The following MAP2K5 variants were observed in gnomAD, a reference collection of about 807,000 sequenced individuals.
The protein encoded by MAP2K5 is mitogen-activated protein kinase kinase 5.
MAP2K5 carries 49 observed loss-of-function variants against 83.1 expected under a neutral mutation model. The observed-to-expected ratio is 0.59, with a 90% CI of 0.47 to 0.75. The LOEUF (loss-of-function observed/expected upper bound fraction) is 0.75, where lower values mean the gene tolerates loss of function less well. Among genes scored for constraint, MAP2K5 ranks in the 30% least tolerant of loss-of-function variants. MAP2K5 has a pLI of 0.00. For synonymous variants in MAP2K5, 202 were observed against 191.8 expected (o/e 1.05, Z -0.44); for missense variants, 457 against 557.5 (o/e 0.82, Z 1.82).
chr15:67,726,035 G>A (rs946286534), intron 16 of MAP2K5, among the ~76,000 whole-genome samples: 41 of 152,126 alleles, frequency 2.7e-4, no homozygotes, highest in African/African-American at 9.7e-4. Flanking sequence ...ACCCCATCTT[G>A]TGATGTTTTT....
At chr15:67,681,047 C>A (rs1487014209) in intron 13 of MAP2K5, among the ~76,000 whole-genome samples, 1 of 152,196 alleles carries the variant, frequency 6.6e-6, no homozygotes, top group Non-Finnish European at 1.5e-5. Flanking sequence ...ATATTTGGTA[C>A]ATTCAAGTTT....
chr15:67,766,939 G>C (rs2141297128), intron 19 of MAP2K5, among the ~76,000 whole-genome samples: 1 of 152,212 alleles, frequency 6.6e-6, no homozygotes, highest in East Asian at 1.9e-4. Context: ...AGGAGACATG[G>C]ATTTTAAAAC....
rs1329326175 is a variant in MAP2K5 at position 67,671,249 on chromosome 15, A to G, written c.847+6604A>G. ...GAGAGACATAAAAGAAAAGAAAGAG[A>G]AAAGGGAGGGGAGAATTTCCAAGAG... On this transcript the variant is annotated intron_variant, in intron 13 of 21. Transcript: ENST00000178640. 2.0e-5 allele frequency among the ~76,000 whole-genome samples: 3 copies of G among 152,198 alleles called. No homozygotes were observed. The East Asian group carries it at 5.8e-4, about 29-fold the overall frequency.
intron 15 of MAP2K5, 140 bp from the exon 16 acceptor site, chr15:67,703,197 A>G (rs1183748480): frequency 1.6e-6 from 1 of 617,462 alleles, no homozygotes; most frequent in Admixed American, 2.8e-5. Flanking sequence ...ACATATATAC[A>G]CACATGTAAA....
intron 9 of MAP2K5, chr15:67,642,420 A>G: frequency 1.2e-6 from 2 of 1,608,398 alleles, no homozygotes; most frequent in Non-Finnish European, 1.7e-6. Flanking sequence ...TTTTTAGGAG[A>G]TGAGGGATGC....
intron 8 of MAP2K5, among the ~76,000 whole-genome samples, chr15:67,609,916 C>T (rs1352276010): frequency 1.3e-5 from 2 of 152,070 alleles, no homozygotes; most frequent in Non-Finnish European, 2.9e-5. Flanking sequence ...GTAGAATAAG[C>T]TCTGGGGAAG....
intron 15 of MAP2K5, among the ~76,000 whole-genome samples, chr15:67,695,419 A>G (rs936046660): frequency 3.9e-5 from 6 of 152,194 alleles, no homozygotes; most frequent in Non-Finnish European, 7.3e-5. Context: ...GAAAGTTTAT[A>G]CTTTCTTGTA....
At chr15:67,569,641 A>G (rs896073267) in intron 3 of MAP2K5, among the ~76,000 whole-genome samples, 1 of 152,184 alleles carries the variant, frequency 6.6e-6, no homozygotes, top group Non-Finnish European at 1.5e-5. Flanking sequence ...GTTTGGTAGC[A>G]AGGAGCAGAA....
chr15:67,687,687 A>G (rs1427383494), intron 13 of MAP2K5, among the ~76,000 whole-genome samples: 1 of 152,196 alleles, frequency 6.6e-6, no homozygotes, highest in Non-Finnish European at 1.5e-5. Context: ...ATTAAATGGG[A>G]AAAGATGGAG....
chr15:67,788,378 G>C (rs973016854), intron 21 of MAP2K5, among the ~76,000 whole-genome samples: 12 of 152,230 alleles, frequency 7.9e-5, no homozygotes, highest in African/African-American at 2.9e-4. Context: ...TCCCCAGGAA[G>C]GTAGCCTCAG....
intron 6 of MAP2K5, among the ~76,000 whole-genome samples, chr15:67,590,874 G>A (rs1175623952): frequency 6.6e-6 from 1 of 152,178 alleles, no homozygotes; most frequent in African/African-American, 2.4e-5. Flanking sequence ...CATATGCCAA[G>A]TCATTGGGCT....
At position 67,638,580 on chromosome 15, in the gene MAP2K5, A is replaced by G. The variant is rs188015477; in HGVS notation, c.586-7651A>G. Among the ~76,000 whole-genome samples the G allele has an allele frequency of 1.3e-5, 2 of 152,352 alleles. No individual in the cohort carries two copies. Among genetic ancestry groups the G allele is most frequent in the African/African-American group, 4.8e-5 (2 of 41,582 alleles). ...TAGAATGCTTTATATTCATTTGGGT[A>G]TATACCCAGTAATGGGATTGCTGGG... On this transcript the variant is annotated intron_variant, in intron 9 of 21. Transcript: ENST00000178640. The surrounding 1 kb of genome is among the most constrained non-coding windows in gnomAD (Gnocchi z 4.5).
chr15:67,797,098 A>G (rs2090618076), intron 21 of MAP2K5, among the ~76,000 whole-genome samples: 2 of 152,250 alleles, frequency 1.3e-5, no homozygotes, highest in Admixed American at 6.5e-5. Context: ...CCAGGGGGCA[A>G]CTAGCAGTCC....
intron 8 of MAP2K5, among the ~76,000 whole-genome samples, chr15:67,625,293 T>G (rs1254497137): frequency 6.6e-6 from 1 of 152,274 alleles, no homozygotes; most frequent in East Asian, 1.9e-4. Context: ...CATGGTAAAG[T>G]GTATGTGTGT....
At chr15:67,659,062 G>T in intron 12 of MAP2K5, 5 of 230,516 alleles carry the variant, frequency 2.2e-5, no homozygotes, top group South Asian at 5.5e-5. Flanking sequence ...TATGTTCTTG[G>T]TTTTTAATTT....
intron 9 of MAP2K5, among the ~76,000 whole-genome samples, chr15:67,632,216 C>T (rs2086491390): frequency 6.6e-6 from 1 of 151,464 alleles, no homozygotes; most frequent in Non-Finnish European, 1.5e-5. Flanking sequence ...CCTCCTACTT[C>T]AGCCCCTTGA....
At chr15:67,615,031 C>G (rs906019305) in intron 8 of MAP2K5, among the ~76,000 whole-genome samples, 1 of 151,858 alleles carries the variant, frequency 6.6e-6, no homozygotes, top group South Asian at 2.1e-4. Flanking sequence ...GAGTTTTGCT[C>G]TTGTTGCCCA....
intron 16 of MAP2K5, among the ~76,000 whole-genome samples, chr15:67,721,912 C>T (rs10518738): frequency 0.82 from 124,526 of 152,142 alleles, 51,126 homozygotes; most frequent in Admixed American, 0.88. Flanking sequence ...TTGATGCTTT[C>T]GTTACATTTA....
intron 17 of MAP2K5, among the ~76,000 whole-genome samples, chr15:67,739,529 G>A (rs1445921984): frequency 8.1e-6 from 1 of 123,934 alleles, no homozygotes; most frequent in African/African-American, 3.1e-5. Flanking sequence ...TGCCCAGGCT[G>A]GAGTGCAGTG....
Sources: allele counts gnomAD v4.1 joint callset (sites outside exome capture counted in the v4.1 genomes callset), GRCh38; gene constraint gnomAD v4.1.1; non-coding constraint Gnocchi (gnomAD v3.1); transcripts MANE v1.5; gene names NCBI Gene and HGNC (gene_info 2026-07-23, HGNC 2026-07-21).